Variants in PIEZO2 observed in about 807,000 individuals in gnomAD.
The protein encoded by PIEZO2 is piezo-type mechanosensitive ion channel component 2.
In PIEZO2, 172 loss-of-function variants were observed where a neutral mutation model predicts 337.3. The observed-to-expected ratio is 0.51, with a 90% CI of 0.45 to 0.58. PIEZO2 has a LOEUF of 0.58. Ranked by LOEUF, PIEZO2 falls within the 20% of genes least tolerant of loss-of-function variation. The pLI, the probability that PIEZO2 is intolerant of heterozygous loss-of-function variation, is 0.00. For synonymous variants in PIEZO2, 1,251 were observed against 1,228.5 expected (o/e 1.02, Z -0.38); for missense variants, 3,028 against 3,391.3 (o/e 0.89, Z 2.66).
chr18:10,995,072 C>T (rs1205393813), intron 2 of PIEZO2, among the ~76,000 whole-genome samples: 8 of 35,906 alleles, frequency 2.2e-4, no homozygotes, highest in African/African-American at 7.6e-4. Context: ...AGTGAGACTC[C>T]GTCTCAAAAA....
chr18:10,699,324 T>A, intron 43 of PIEZO2, 147 bp from the exon 44 acceptor site: 1 of 1,124,268 alleles, frequency 8.9e-7, no homozygotes, highest in Non-Finnish European at 1.2e-6. Flanking sequence ...ATATCTCATC[T>A]TGAATTCCCA....
At position 10,684,196 on chromosome 18, in the gene PIEZO2, T is replaced by C. The variant is rs373826391; in HGVS notation, c.7498-1904A>G. On this transcript the variant is annotated intron_variant, in intron 49 of 55. Transcript: ENST00000674853. Reference sequence around the variant, plus strand: ...TTTTTTTTTTTTTGAGACGGAGTCTTGCTCTGTCGCCCAGGCTGGAGTGCA... The same window carrying C: ...TTTTTTTTTTTTTGAGACGGAGTCTCGCTCTGTCGCCCAGGCTGGAGTGCA... Among the ~76,000 whole-genome samples, 120 of 136,592 alleles carry C rather than the reference T, an allele frequency of 8.8e-4. 1 individual carries two copies. Among genetic ancestry groups the C allele is most frequent in the South Asian group, 7.8e-4 (3 of 3,826 alleles). The allele number at this position is 136,592 out of a possible 152,430, so 89.6% of individuals were successfully genotyped here.
chr18:11,089,303 T>C lies in PIEZO2; in HGVS notation c.65-23081A>G, dbSNP rs941878334. On this transcript the variant is annotated intron_variant, in intron 1 of 55. Transcript: ENST00000674853. ...CAACAGAATGCTTAGGCTTATCGAG[T>C]AAGACTTAAAACCTGTTGCTGAATT... is the stretch of plus-strand genomic sequence containing the variant. Among the ~76,000 whole-genome samples, 7 of 152,130 alleles carry C rather than the reference T, an allele frequency of 4.6e-5. No homozygotes were observed. The South Asian group carries it at 6.2e-4, about 14-fold the overall frequency.
intron 3 of PIEZO2, among the ~76,000 whole-genome samples, chr18:10,941,842 C>T (rs1205013478): frequency 1.3e-5 from 2 of 152,204 alleles, no homozygotes; most frequent in African/African-American, 4.8e-5. Context: ...TGTGTTCCCA[C>T]CCAAATCTCA....
chr18:11,122,855 T>C (rs771157107), intron 1 of PIEZO2, among the ~76,000 whole-genome samples: 1 of 151,994 alleles, frequency 6.6e-6, no homozygotes. Flanking sequence ...CAAGTCTTTA[T>C]CATTTACTTC....
intron 11 of PIEZO2, among the ~76,000 whole-genome samples, chr18:10,798,355 A>C (rs1344197068): frequency 1.3e-5 from 2 of 152,208 alleles, no homozygotes; most frequent in South Asian, 4.1e-4. Context: ...AAGAGGTATA[A>C]ATGACTGAAA....
At chr18:10,770,966 A>C (rs1304606199) in intron 20 of PIEZO2, among the ~76,000 whole-genome samples, 3 of 152,094 alleles carry the variant, frequency 2.0e-5, no homozygotes, top group Non-Finnish European at 2.9e-5. Context: ...CTTGGCCTCA[A>C]ATGATCCACC....
intron 4 of PIEZO2, 120 bp from the exon 5 acceptor site, chr18:10,871,535 C>T: frequency 1.0e-6 from 1 of 983,756 alleles, no homozygotes; most frequent in Non-Finnish European, 1.4e-6. Context: ...CTCCGTTTCT[C>T]CCTAAAAGGT....
chr18:11,025,404 A>G (rs1315729325), intron 2 of PIEZO2, among the ~76,000 whole-genome samples: 3 of 152,138 alleles, frequency 2.0e-5, no homozygotes, highest in Non-Finnish European at 4.4e-5. Flanking sequence ...TTGCCTAGGG[A>G]TGCAAAGCAA....
intron 48 of PIEZO2, 140 bp from the exon 49 acceptor site, chr18:10,689,942 C>T (rs2034729211): frequency 1.1e-6 from 1 of 924,466 alleles, no homozygotes; most frequent in Non-Finnish European, 1.6e-6. Context: ...TCCAGTAAAA[C>T]CCAACTTGGA....
chr18:11,065,379 TAG>T (rs2038114636), intron 2 of PIEZO2, among the ~76,000 whole-genome samples: 1 of 152,198 alleles, frequency 6.6e-6, no homozygotes, highest in African/African-American at 2.4e-5. Context: ...CTCATAACGG[TAG>T]AGTTTTGAAA....
intron 3 of PIEZO2, among the ~76,000 whole-genome samples, chr18:10,941,295 CT>C (rs2032713301): frequency 6.6e-6 from 1 of 152,154 alleles, no homozygotes; most frequent in Admixed American, 6.5e-5. Flanking sequence ...ATTGTCTTCC[CT>C]TTCCCTTGTA....
At chr18:10,812,260 A>C (rs1323448692) in intron 7 of PIEZO2, among the ~76,000 whole-genome samples, 1 of 152,258 alleles carries the variant, frequency 6.6e-6, no homozygotes, top group African/African-American at 2.4e-5. Flanking sequence ...CACTTTACTC[A>C]GACTACTACG....
chr18:10,681,998 C>T (rs1195522333), intron 50 of PIEZO2, 106 bp downstream of exon 50: 6 of 1,156,232 alleles, frequency 5.2e-6, no homozygotes, highest in Admixed American at 2.8e-5. Flanking sequence ...AGTCAAATGC[C>T]GACAGCAGGG....
intron 4 of PIEZO2, among the ~76,000 whole-genome samples, chr18:10,910,606 GA>G (rs531734494): frequency 2.4e-4 from 36 of 151,506 alleles, no homozygotes; most frequent in African/African-American, 8.5e-4. Flanking sequence ...AAAAAAGAAA[GA>G]AAAAAAGAAA....
intron 27 of PIEZO2, among the ~76,000 whole-genome samples, chr18:10,753,352 A>G (rs1568018888): frequency 1.3e-5 from 2 of 152,252 alleles, no homozygotes; most frequent in East Asian, 1.9e-4. Context: ...CTGACCAACT[A>G]TCCAAAGCCA....
At chr18:10,763,220 T>A (rs2865131) in intron 21 of PIEZO2, 122 bp from the exon 22 acceptor site, 1 of 1,061,584 alleles carries the variant, frequency 9.4e-7, no homozygotes, top group Non-Finnish European at 1.3e-6. Context: ...ATTCCTAGCA[T>A]GCGCAAGGAA....
intron 1 of PIEZO2, among the ~76,000 whole-genome samples, chr18:11,071,284 G>A (rs2038329355): frequency 6.6e-6 from 1 of 152,132 alleles, no homozygotes. Context: ...AAGAACACAA[G>A]CTCGGATTCT....
At chr18:10,710,228 C>T (rs2035762407) in intron 39 of PIEZO2, among the ~76,000 whole-genome samples, 1 of 152,188 alleles carries the variant, frequency 6.6e-6, no homozygotes, top group South Asian at 2.1e-4. Flanking sequence ...GTTCTCAGAA[C>T]CCACATAATC....
Sources: gnomAD v4.1 joint callset for allele counts (sites outside exome capture counted in the v4.1 genomes callset) on GRCh38, gnomAD v4.1.1 for gene constraint, MANE v1.5 for transcripts, NCBI Gene and HGNC (gene_info 2026-07-23, HGNC 2026-07-21) for gene names.